Variants in CDKL5 observed in about 807,000 individuals in gnomAD.
CDKL5 encodes cyclin-dependent kinase-like 5.
CDKL5 carries 8 observed loss-of-function variants against 61.7 expected under a neutral mutation model. That is an observed-to-expected ratio of 0.13 (90% CI 0.08 to 0.23). The LOEUF (loss-of-function observed/expected upper bound fraction) is 0.23, where lower values mean the gene tolerates loss of function less well. CDKL5 is among the 10% of genes least tolerant of loss of function. CDKL5 has a pLI of 1.00. For missense variants in CDKL5, 440 were observed against 734.5 expected, an observed-to-expected ratio of 0.60 and a Z score of 4.63; for synonymous variants, 275 against 272.3, an observed-to-expected ratio of 1.01 and a Z score of -0.10.
At chrX:18,555,349 A>T (rs1924562849) in intron 3 of CDKL5, among the ~76,000 whole-genome samples, 1 of 112,187 alleles carries the variant, frequency 8.9e-6, no homozygotes, top group Non-Finnish European at 1.9e-5. Flanking sequence ...AAGTGTTTGA[A>T]AAAAGATACA....
intron 19 of CDKL5, chrX:18,645,945 T>C: frequency 1.7e-6 from 2 of 1,208,010 alleles, no homozygotes; most frequent in Non-Finnish European, 2.2e-6. Flanking sequence ...TAGAATATGT[T>C]TGTGTTCTTA....
At chrX:18,621,891 T>C (rs760361182) in intron 16 of CDKL5, among the ~76,000 whole-genome samples, 5 of 112,245 alleles carry the variant, frequency 4.5e-5, no homozygotes, top group Non-Finnish European at 9.4e-5. Context: ...TTTATCATTG[T>C]CTGTAGAACA....
intron 16 of CDKL5, 28 bp downstream of exon 16, chrX:18,619,994 A>G (rs1212767625): frequency 3.3e-6 from 3 of 905,851 alleles, no homozygotes; most frequent in African/African-American, 1.9e-5. Flanking sequence ...TTCTATATAT[A>G]ATAACATGTT....
At chrX:18,565,691 T>C (rs1244322445) in intron 4 of CDKL5, among the ~76,000 whole-genome samples, 1 of 112,285 alleles carries the variant, frequency 8.9e-6, no homozygotes, top group African/African-American at 3.2e-5. Context: ...AGGATAGATG[T>C]AGTAGTATTT....
chrX:18,573,024 A>G (rs1201383248), intron 4 of CDKL5, among the ~76,000 whole-genome samples: 1 of 111,664 alleles, frequency 9.0e-6, no homozygotes, highest in East Asian at 2.8e-4. Flanking sequence ...GTGATATTTA[A>G]ACTAAAACCT....
At chrX:18,436,160 ATACT>A (rs1931604917) in intron 1 of CDKL5, among the ~76,000 whole-genome samples, 1 of 111,650 alleles carries the variant, frequency 9.0e-6, no homozygotes, top group Non-Finnish European at 1.9e-5. Context: ...AAGAGAAAAG[ATACT>A]TACTATTCAT....
chrX:18,489,890 C>G (rs187625445), intron 1 of CDKL5, among the ~76,000 whole-genome samples: 99 of 110,542 alleles, frequency 9.0e-4, no homozygotes, highest in African/African-American at 3.2e-3. Flanking sequence ...TCTCTACCCC[C>G]AACTCTCCCT....
intron 3 of CDKL5, among the ~76,000 whole-genome samples, chrX:18,559,727 C>T (rs781527920): frequency 8.5e-4 from 88 of 103,045 alleles, no homozygotes; most frequent in African/African-American, 2.8e-3. Context: ...TGGTGTGCTG[C>T]GCCCATTAAC....
At chrX:18,619,708 G>T (rs758218689) in intron 15 of CDKL5, among the ~76,000 whole-genome samples, 159 bp from the exon 16 acceptor site, 3 of 111,924 alleles carry the variant, frequency 2.7e-5, no homozygotes, top group Admixed American at 9.5e-5. Context: ...ATTAAATTTA[G>T]TTCCTCCTGT....
At chrX:18,563,143 A>G (rs901369702) in intron 3 of CDKL5, among the ~76,000 whole-genome samples, 3 of 111,942 alleles carry the variant, frequency 2.7e-5, no homozygotes, top group Non-Finnish European at 3.8e-5. Flanking sequence ...GTTTTTCTCT[A>G]TTCCTGGAAG....
chrX:18,429,127 C>T lies in CDKL5; in HGVS notation c.-163+3432C>T, dbSNP rs193087615. 8.1e-5 allele frequency among the ~76,000 whole-genome samples: 9 copies of T among 110,760 alleles called. No individual in the cohort carries two copies. In the East Asian group the frequency reaches 2.3e-3, roughly 28 times the overall value. The stretch of plus-strand genomic sequence containing the variant: ...GCTTGGGTGCAATTCTGTTGGTGGG[C>T]GTGAAAGCTGAGGGTAAGGACCTTC... On this transcript the variant is annotated intron_variant, in intron 1 of 17. Transcript: ENST00000623535.
intron 5 of CDKL5, among the ~76,000 whole-genome samples, chrX:18,579,028 T>C (rs781495010): frequency 9.0e-6 from 1 of 111,676 alleles, no homozygotes; most frequent in Non-Finnish European, 1.9e-5. Context: ...CACAGTCTTA[T>C]TATGAATATA....
At chrX:18,514,953 C>T (rs1163217562) in intron 3 of CDKL5, among the ~76,000 whole-genome samples, 1 of 109,943 alleles carries the variant, frequency 9.1e-6, no homozygotes, top group African/African-American at 3.3e-5. Context: ...CGCGCACCAA[C>T]ATGCCCGGCT....
intron 14 of CDKL5, among the ~76,000 whole-genome samples, chrX:18,612,800 G>A (rs1926597627): frequency 9.0e-6 from 1 of 111,436 alleles, no homozygotes; most frequent in Admixed American, 9.5e-5. Flanking sequence ...GGAGGGACAA[G>A]GTTCCCTGGA....
intron 1 of CDKL5, chrX:18,497,212 T>C (rs1041146425): frequency 2.7e-5 from 3 of 111,291 alleles, no homozygotes; most frequent in African/African-American, 9.8e-5. Context: ...AGCTGAAATT[T>C]GTCTCCTTTT....
At chrX:18,541,824 GT>G (rs1179690254) in intron 3 of CDKL5, among the ~76,000 whole-genome samples, 32 of 107,091 alleles carry the variant, frequency 3.0e-4, no homozygotes, top group Non-Finnish European at 2.1e-4. Flanking sequence ...CTGGCCTAAA[GT>G]TTTTTTTTTG....
intron 15 of CDKL5, among the ~76,000 whole-genome samples, chrX:18,616,334 C>A (rs762876112): frequency 2.7e-5 from 3 of 111,676 alleles, no homozygotes; most frequent in African/African-American, 9.8e-5. Flanking sequence ...ACTTAGAAAT[C>A]CCACTAGTTG....
rs774743991 is a variant in CDKL5, at chrX:18,646,040, A to G, written c.2747A>G (p.His916Arg). The G allele has an allele frequency of 4.1e-6, 5 of 1,210,251 alleles. No homozygotes were observed. The African/African-American group carries it at 8.7e-5, about 21-fold the overall frequency. The change falls in exon 20 of 22, where the codon CAT becomes CGT. Residue 916 changes from histidine (H) to arginine (R), a missense_variant. Coordinates refer to the CDKL5 transcript ENST00000379989. ...TGTGATGGCAGAAGACAGAGACACC[A>G]TTCTGGACCCCAAGATAGACGCTTC...
chrX:18,577,167 A>G (rs1479536136), intron 5 of CDKL5, among the ~76,000 whole-genome samples: 1 of 111,601 alleles, frequency 9.0e-6, no homozygotes, highest in Non-Finnish European at 1.9e-5. Context: ...TTTTTGTTCT[A>G]TTCATGGTGG....
Sources: allele counts gnomAD v4.1 joint callset (sites outside exome capture counted in the v4.1 genomes callset), GRCh38; gene constraint gnomAD v4.1.1; transcripts MANE v1.5; gene names NCBI Gene and HGNC (gene_info 2026-07-23, HGNC 2026-07-21).